INSR: variants seen among roughly 807,000 people sequenced by gnomAD.
The protein encoded by INSR is IR.
A neutral mutation model predicts 142.6 loss-of-function variants in INSR; 67 were observed. The ratio of observed to expected loss-of-function variants is 0.47; its 90% confidence interval spans 0.39 to 0.58. The LOEUF is 0.58. Ranked by LOEUF, INSR falls within the 20% of genes least tolerant of loss-of-function variation. The probability of loss-of-function intolerance (pLI) is 0.00; values close to 1 mark genes in which losing one functional copy is unlikely to be tolerated. For synonymous variants in INSR, 756 were observed against 743.1 expected (o/e 1.02, Z -0.28); for missense variants, 1,248 against 1,833.2 (o/e 0.68, Z 5.83).
rs143919163 is a variant in INSR at position 7,267,422 on chromosome 19, C to T, written c.575G>A (p.Gly192Asp). ...CGDICPGTAK[G>D]KTNCPATVIN... ...GACGGTGGCGGGGCAGTTGGTCTTG[C>T]CCTTCGCGGTACCCGGACAGATGTC... The change falls in exon 2 of 22, where the codon GGC (glycine) becomes GAC (aspartate). Residue 192 changes from glycine to aspartate, a missense_variant. Coordinates refer to ENST00000302850, the MANE Select transcript of INSR (RefSeq NM_000208.4). The surrounding 1 kb of genome is among the most constrained non-coding windows in gnomAD (Gnocchi z 6.3). The T allele has an allele frequency of 1.0e-4, 163 of 1,614,006 alleles. No individual in the cohort carries two copies. Among genetic ancestry groups the T allele is most frequent in the Non-Finnish European group, 3.1e-5 (36 of 1,180,036 alleles).
At chr19:7,164,608 C>T (rs1407569029) in intron 8 of INSR, among the ~76,000 whole-genome samples, 2 of 131,016 alleles carry the variant, frequency 1.5e-5, no homozygotes, top group Non-Finnish European at 3.1e-5. Flanking sequence ...ACCTGAGGCT[C>T]GGAGTTCGAG....
rs1555683209 is a variant in INSR at position 7,225,704 on chromosome 19, C to CG, written c.653-41068_653-41067insC. ...ATGGGCTCTTGGTTTCCATTTCCCC[C>CG]CCCTCAAAAAAAGAGCAGAGAATAA... On this transcript the variant is annotated intron_variant, in intron 2 of 21. Transcript: ENST00000302850. The surrounding 1 kb of genome is among the most constrained non-coding windows in gnomAD (Gnocchi z 4.7). Among the ~76,000 whole-genome samples, 21 of 130,594 alleles carry CG rather than the reference C, an allele frequency of 1.6e-4. No homozygotes were observed. Among genetic ancestry groups the CG allele is most frequent in the Non-Finnish European group, 6.8e-5 (4 of 58,544 alleles). 85.7% of individuals were successfully genotyped at this position (130,594 alleles called of 152,430 possible). A position where few individuals can be genotyped will look rare whatever the true frequency, so the allele number is the denominator to read the frequency against.
In INSR at chr19:7,172,362, C is replaced by T; in HGVS notation, c.1196G>A (p.Arg399Gln). Reference sequence around the variant, plus strand: ...GGAAAGTGACACCAGAGCGTAGGATCGGCGGATTTTTAGATACCCTGAAAT... The same window carrying T: ...GGAAAGTGACACCAGAGCGTAGGATTGGCGGATTTTTAGATACCCTGAAAT... ...EEISGYLKIR[R>Q]SYALVSLSFF... is the part of the protein sequence containing the mutation. Residue 399 changes from arginine to glutamine, a missense_variant, in exon 5 of 22, where the codon CGA (arginine) becomes CAA (glutamine). Physicochemically the swap from Arg to Gln is conservative, Grantham distance 43. Transcript: ENST00000302850. The T allele has an allele frequency of 4.3e-6, 7 of 1,614,098 alleles. No individual in the cohort carries two copies. Among genetic ancestry groups the T allele is most frequent in the African/African-American group, 1.3e-5 (1 of 75,040 alleles).
At chr19:7,122,198 C>T (rs1388420965) in intron 19 of INSR, among the ~76,000 whole-genome samples, 1 of 150,356 alleles carries the variant, frequency 6.7e-6, no homozygotes, top group Non-Finnish European at 1.5e-5. Flanking sequence ...AATCCCAGCA[C>T]TTTGGGAGGC....
chr19:7,164,387 AC>A (rs146983888), intron 8 of INSR, among the ~76,000 whole-genome samples: 5,249 of 152,200 alleles, frequency 0.034, 271 homozygotes, highest in African/African-American at 0.12. Flanking sequence ...CTTAGGTTTT[AC>A]AAAAATATAA....
At chr19:7,136,508 C>T (rs1397580839) in intron 13 of INSR, among the ~76,000 whole-genome samples, 2 of 152,074 alleles carry the variant, frequency 1.3e-5, no homozygotes, top group Admixed American at 6.6e-5. Context: ...ATCCTAACTT[C>T]TCCTAGCTTC....
At chr19:7,288,356 A>C (rs983111546) in intron 1 of INSR, among the ~76,000 whole-genome samples, 2 of 152,046 alleles carry the variant, frequency 1.3e-5, no homozygotes, top group Non-Finnish European at 2.9e-5. Context: ...TTTAAAAATT[A>C]GCTAGTCATG....
At chr19:7,254,907 G>A (rs931564126) in intron 2 of INSR, among the ~76,000 whole-genome samples, 1 of 152,288 alleles carries the variant, frequency 6.6e-6, no homozygotes, top group African/African-American at 2.4e-5. Context: ...GACAGCCAAA[G>A]GGAAAGCCGC....
chr19:7,249,778 G>C (rs1331471775), intron 2 of INSR, among the ~76,000 whole-genome samples: 1 of 152,240 alleles, frequency 6.6e-6, no homozygotes, highest in Non-Finnish European at 1.5e-5. Context: ...GGATCACGAG[G>C]TCAGGAGATC....
intron 2 of INSR, among the ~76,000 whole-genome samples, chr19:7,232,030 A>G (rs1198772636): frequency 6.6e-6 from 1 of 152,076 alleles, no homozygotes; most frequent in African/African-American, 2.4e-5. Context: ...AAACTAAACA[A>G]TAATAATCAA....
rs1478050864 is a variant in INSR at position 7,225,664 on chromosome 19, G to A, written c.653-41027C>T. On this transcript the variant is annotated intron_variant, in intron 2 of 21. Transcript: ENST00000302850. This position sits in a 1 kb window ranked among gnomAD's most constrained non-coding sequence, Gnocchi z 4.7. The stretch of plus-strand genomic sequence containing the variant: ...TAGCATGGCAGTGTCAAACCACAGA[G>A]CCACGAGGCTGATGATGGGCTCTTG... Among the ~76,000 whole-genome samples the A allele has an allele frequency of 1.3e-5, 2 of 151,780 alleles. No homozygotes were observed. Among genetic ancestry groups the A allele is most frequent in the Non-Finnish European group, 1.5e-5 (1 of 68,012 alleles).
intron 2 of INSR, among the ~76,000 whole-genome samples, chr19:7,195,368 TGTG>T (rs1179893674): frequency 1.3e-5 from 2 of 152,012 alleles, no homozygotes; most frequent in Non-Finnish European, 2.9e-5. Context: ...GTTGGCCAGG[TGTG>T]GTGGCTAACA....
At chr19:7,196,614 A>C (rs928069498) in intron 2 of INSR, among the ~76,000 whole-genome samples, 1 of 152,206 alleles carries the variant, frequency 6.6e-6, no homozygotes, top group Non-Finnish European at 1.5e-5. Context: ...TTTCTTAATT[A>C]AGAAGGTATG....
chr19:7,197,321 A>T (rs180884559), intron 2 of INSR, among the ~76,000 whole-genome samples: 31 of 151,324 alleles, frequency 2.0e-4, no homozygotes, highest in African/African-American at 5.6e-4. Context: ...CTTCGGAGAG[A>T]GAGTGAGTGA....
intron 2 of INSR, among the ~76,000 whole-genome samples, chr19:7,254,682 G>A (rs906969870): frequency 1.1e-4 from 16 of 152,214 alleles, no homozygotes; most frequent in African/African-American, 3.6e-4. Flanking sequence ...GGCGCATTGA[G>A]AGAAACAGAT....
At chr19:7,240,520 G>A (rs530054567) in intron 2 of INSR, among the ~76,000 whole-genome samples, 1 of 152,336 alleles carries the variant, frequency 6.6e-6, no homozygotes, top group South Asian at 2.1e-4. Flanking sequence ...AGTAAGCCAA[G>A]ATTGCGCCAT....
intron 13 of INSR, among the ~76,000 whole-genome samples, chr19:7,134,134 G>A (rs536097762): frequency 2.6e-5 from 4 of 151,932 alleles, no homozygotes; most frequent in East Asian, 1.9e-4. Flanking sequence ...AGCCGAGATC[G>A]CGCCACTTAA....
At chr19:7,154,552 T>A (rs892693390) in intron 9 of INSR, among the ~76,000 whole-genome samples, 5 of 150,822 alleles carry the variant, frequency 3.3e-5, no homozygotes, top group African/African-American at 1.2e-4. Flanking sequence ...TCTGCCCGCC[T>A]TGGCCTCCCA....
chr19:7,180,424 G>A (rs1974243151), intron 3 of INSR, among the ~76,000 whole-genome samples: 1 of 151,594 alleles, frequency 6.6e-6, no homozygotes, highest in African/African-American at 2.4e-5. Context: ...CAGCTACTCA[G>A]GAGGCTGTGG....
Sources: allele counts gnomAD v4.1 joint callset (sites outside exome capture counted in the v4.1 genomes callset), GRCh38; gene constraint gnomAD v4.1.1; non-coding constraint Gnocchi (gnomAD v3.1); transcripts MANE v1.5; gene names NCBI Gene and HGNC (gene_info 2026-07-23, HGNC 2026-07-21).